Variants in MGAT4C observed in about 807,000 individuals in gnomAD.
MGAT4C encodes alpha-1,3-mannosyl-glycoprotein 4-beta-N-acetylglucosaminyltransferase C.
A neutral mutation model predicts 40.1 loss-of-function variants in MGAT4C; 19 were observed. The ratio of observed to expected loss-of-function variants is 0.47; its 90% CI spans 0.33 to 0.70. The LOEUF (loss-of-function observed/expected upper bound fraction) is 0.70, where lower values mean the gene tolerates loss of function less well. Ranked by LOEUF, MGAT4C falls within the 30% of genes least tolerant of loss-of-function variation. The pLI is 0.02. For missense variants in MGAT4C, 491 were observed against 563.2 expected (o/e 0.87, Z 1.30); for synonymous variants, 181 against 187.1 (o/e 0.97, Z 0.27).
chr12:86,237,597 T>G lies in MGAT4C; in HGVS notation c.-57+18642A>C, dbSNP rs192882257. Among the ~76,000 whole-genome samples, 583 of 152,026 alleles carry G rather than the reference T, an allele frequency of 3.8e-3. 2 individuals carry two copies. The highest frequency in any genetic ancestry group is 0.014 in the African/African-American group (566 of 41,548). ...ATTGCTTCTATAGGTTCAATTTCTTTCCTTTATTCATATCTCTATGGAAAT... is the reference window on the plus strand; with the variant it reads ...ATTGCTTCTATAGGTTCAATTTCTTGCCTTTATTCATATCTCTATGGAAAT... On this transcript the variant is annotated intron_variant, in intron 1 of 4. Transcript: ENST00000611864.
rs138535515 is a variant in MGAT4C at position 86,053,461 on chromosome 12, A to G, written c.-56-3738T>C. 2.0e-5 allele frequency among the ~76,000 whole-genome samples: 3 copies of G among 152,000 alleles called. 1 individual carries two copies. The highest frequency in any genetic ancestry group is 7.2e-5 in the African/African-American group (3 of 41,498). On this transcript the variant is annotated intron_variant, in intron 1 of 4. Coordinates refer to ENST00000611864, the MANE Select transcript of MGAT4C (RefSeq NM_001351288.2). ...GAAGAGCAAACAGAGAAAGTGTTCT[A>G]AGACCCCCTTTCCAAGACATAAACA... is the stretch of plus-strand genomic sequence containing the variant.
intron 1 of MGAT4C, among the ~76,000 whole-genome samples, chr12:86,215,000 A>C (rs1950613365): frequency 6.6e-6 from 1 of 152,098 alleles, no homozygotes; most frequent in Non-Finnish European, 1.5e-5. Context: ...CTATTTTTCT[A>C]TGACCTTCAC....
chr12:86,148,607 A>G (rs1429880590), intron 1 of MGAT4C, among the ~76,000 whole-genome samples: 1 of 152,242 alleles, frequency 6.6e-6, no homozygotes, highest in Non-Finnish European at 1.5e-5. Context: ...ACTGAACAGA[A>G]AGAGGAGAGA....
intron 2 of MGAT4C, among the ~76,000 whole-genome samples, chr12:86,683,840 C>T (rs1950024859): frequency 6.6e-6 from 1 of 152,188 alleles, no homozygotes; most frequent in Admixed American, 6.5e-5. Context: ...CATCTGCACT[C>T]ATATGCTGCC....
chr12:86,687,033 C>T (rs1398560242), intron 2 of MGAT4C, among the ~76,000 whole-genome samples: 4 of 151,984 alleles, frequency 2.6e-5, no homozygotes, highest in African/African-American at 7.3e-5. Context: ...TTGTTATTGC[C>T]CTATTCAGGG....
chr12:86,803,901 C>T (rs1233839745), intron 1 of MGAT4C, among the ~76,000 whole-genome samples: 23 of 148,674 alleles, frequency 1.5e-4, no homozygotes, highest in South Asian at 2.2e-4. Flanking sequence ...TTTGACCCAG[C>T]CATCCCATTA....
intron 2 of MGAT4C, among the ~76,000 whole-genome samples, chr12:86,005,363 G>T (rs1592665880): frequency 6.6e-6 from 1 of 152,180 alleles, no homozygotes; most frequent in East Asian, 1.9e-4. Flanking sequence ...ATAAGAATCT[G>T]TTCTTGTAAC....
chr12:86,812,289 G>T (rs919766420), intron 1 of MGAT4C, among the ~76,000 whole-genome samples: 3 of 151,886 alleles, frequency 2.0e-5, no homozygotes, highest in Non-Finnish European at 4.4e-5. Context: ...TTGGTGAGGG[G>T]TTCTATAAAT....
chr12:86,491,527 A>C (rs1007126539), intron 2 of MGAT4C, among the ~76,000 whole-genome samples: 19 of 152,168 alleles, frequency 1.2e-4, no homozygotes, highest in Admixed American at 5.2e-4. Context: ...GCATATAAAC[A>C]GAACCAAAGA....
At chr12:86,405,921 T>A (rs1398553539) in intron 3 of MGAT4C, among the ~76,000 whole-genome samples, 18 of 28,646 alleles carry the variant, frequency 6.3e-4, no homozygotes, top group Admixed American at 3.3e-3. Flanking sequence ...ATGTATGTAT[T>A]TATATTATAC....
At chr12:86,060,388 A>C (rs1893826162) in intron 1 of MGAT4C, among the ~76,000 whole-genome samples, 3 of 152,204 alleles carry the variant, frequency 2.0e-5, no homozygotes, top group Non-Finnish European at 4.4e-5. Flanking sequence ...CACAGTTTAA[A>C]ATATATCTAG....
rs1163995076 is a variant in MGAT4C at position 85,973,198 on chromosome 12, C to G, written c.*6091G>C. The G allele has an allele frequency of 6.6e-6, 1 of 150,736 alleles. No individual in the cohort carries two copies. Among genetic ancestry groups the G allele is most frequent in the Admixed American group, 6.6e-5 (1 of 15,112 alleles). The allele number at this position is 150,736 out of a possible 1,614,324, so 9.3% of individuals were successfully genotyped here. ...AGGGAAAGGGTGGAAGAGACAAATC[C>G]TACGTCTCTTCCAGAACTTCGAGTG... On this transcript the variant is annotated 3_prime_UTR_variant, in exon 5 of 5. Transcript: ENST00000611864.
At chr12:86,197,272 A>AG (rs1239454881) in intron 1 of MGAT4C, among the ~76,000 whole-genome samples, 8 of 152,236 alleles carry the variant, frequency 5.3e-5, no homozygotes, top group Admixed American at 1.3e-4. Flanking sequence ...AGTATTCTCT[A>AG]AGATGAGACA....
chr12:86,020,834 T>C (rs558601902), intron 2 of MGAT4C, among the ~76,000 whole-genome samples: 32 of 152,184 alleles, frequency 2.1e-4, no homozygotes, highest in South Asian at 8.3e-4. Flanking sequence ...TGCAATCTGC[T>C]CATCTGACAA....
At chr12:86,514,871 G>A (rs140012626) in intron 2 of MGAT4C, among the ~76,000 whole-genome samples, 4 of 152,290 alleles carry the variant, frequency 2.6e-5, no homozygotes, top group South Asian at 4.1e-4. Context: ...ATCTCTAGTA[G>A]TCAGAAGGCA....
intron 1 of MGAT4C, among the ~76,000 whole-genome samples, chr12:86,109,166 CA>C (rs1876757962): frequency 6.6e-6 from 1 of 152,018 alleles, no homozygotes; most frequent in African/African-American, 2.4e-5. Context: ...AAATATCCTT[CA>C]AAAAATTTGT....
At chr12:86,625,761 C>G (rs1962784633) in intron 2 of MGAT4C, among the ~76,000 whole-genome samples, 2 of 151,708 alleles carry the variant, frequency 1.3e-5, no homozygotes, top group South Asian at 4.2e-4. Flanking sequence ...TGAATTATAT[C>G]TACTGAGAAA....
At chr12:86,706,297 G>A (rs569826819) in intron 2 of MGAT4C, among the ~76,000 whole-genome samples, 13 of 152,246 alleles carry the variant, frequency 8.5e-5, no homozygotes, top group African/African-American at 3.1e-4. Context: ...CATGAAGATT[G>A]TAAATTTTAA....
At position 86,151,247 on chromosome 12, in the gene MGAT4C, T is replaced by C. The variant is rs569828015; in HGVS notation, c.-56-101524A>G. On this transcript the variant is annotated intron_variant, in intron 1 of 4. Transcript: ENST00000611864. ...TTTGTGAGCAACCAAGACTGCTGAGTTAACCTTTTTCTGCCTGAAATTACA... is the reference window on the plus strand; with the variant it reads ...TTTGTGAGCAACCAAGACTGCTGAGCTAACCTTTTTCTGCCTGAAATTACA... Among the ~76,000 whole-genome samples, 8 of 152,162 alleles carry C rather than the reference T, an allele frequency of 5.3e-5. No homozygotes were observed. The South Asian group carries it at 1.7e-3, about 32-fold the overall frequency.
Sources: allele counts gnomAD v4.1 joint callset (sites outside exome capture counted in the v4.1 genomes callset), GRCh38; gene constraint gnomAD v4.1.1; transcripts MANE v1.5; gene names NCBI Gene and HGNC (gene_info 2026-07-23, HGNC 2026-07-21).